The following TAF1 variants were observed in gnomAD, a reference collection of about 807,000 sequenced individuals.
The protein encoded by TAF1 is transcription initiation factor TFIID subunit 1.
TAF1 carries 2 observed loss-of-function variants against 138.5 expected under a neutral mutation model. That is an observed-to-expected ratio of 0.01 (90% confidence interval 0.01 to 0.05). The LOEUF (loss-of-function observed/expected upper bound fraction) is 0.05, where lower values mean the gene tolerates loss of function less well. Among genes scored for constraint, TAF1 ranks in the 10% least tolerant of loss-of-function variants. The pLI is 1.00. For missense variants in TAF1, 709 were observed against 1,478.0 expected, an observed-to-expected ratio of 0.48 and a Z score of 8.53; for synonymous variants, 437 against 503.2, an observed-to-expected ratio of 0.87 and a Z score of 1.76.
chrX:71,470,270 G>A (rs890756977), downstream of TAF1, among the ~76,000 whole-genome samples: 1 of 110,839 alleles, frequency 9.0e-6, no homozygotes, highest in Admixed American at 9.7e-5. Flanking sequence ...TGTGCACCAT[G>A]ACTGCTATCA....
chrX:71,374,079 TTTTC>T (rs780396910), intron 3 of TAF1, among the ~76,000 whole-genome samples: 6 of 111,188 alleles, frequency 5.4e-5, no homozygotes, highest in Non-Finnish European at 7.5e-5. Context: ...TGATTTTTTC[TTTTC>T]TTTCTTTCTT....
intron 13 of TAF1, among the ~76,000 whole-genome samples, chrX:71,486,051 C>A (rs1361825744): frequency 9.1e-6 from 1 of 109,766 alleles, no homozygotes; most frequent in Non-Finnish European, 1.9e-5. Context: ...TCTCTGCTCA[C>A]TGCACCCTCC....
At chrX:71,491,052 T>G (rs1381095839) in intron 13 of TAF1, 3 of 99,334 alleles carry the variant, frequency 3.0e-5, no homozygotes, top group African/African-American at 1.1e-4. Context: ...TGTTTTTTTT[T>G]TTTTTTTTTT....
intron 13 of TAF1, chrX:71,492,828 C>T (rs2039318968): frequency 8.9e-6 from 1 of 112,445 alleles, no homozygotes; most frequent in African/African-American, 3.2e-5. Context: ...ACCCTCCGGT[C>T]TGCAGAGGTG....
At chrX:71,441,626 A>C (rs759627677) in intron 32 of TAF1, 1 of 292,497 alleles carries the variant, frequency 3.4e-6, no homozygotes, top group South Asian at 3.1e-5. Flanking sequence ...AACTATAGTC[A>C]TTCTACGGCG....
intron 8 of TAF1, among the ~76,000 whole-genome samples, chrX:71,379,576 T>G (rs2033729081): frequency 9.4e-6 from 1 of 106,838 alleles, no homozygotes; most frequent in Non-Finnish European, 1.9e-5. Context: ...TCAGGTTTCT[T>G]AAAAACATGT....
At chrX:71,435,468 T>C (rs2037092938) in intron 32 of TAF1, among the ~76,000 whole-genome samples, 1 of 112,037 alleles carries the variant, frequency 8.9e-6, no homozygotes, top group African/African-American at 3.2e-5. Context: ...TCCAGCTGTC[T>C]TAACCTCCTC....
rs1482023698 is a variant in TAF1 at position 71,459,722 on chromosome X, A to G, written c.5221+14A>G. ...ATCCTTTCTCTGGTAGGCCTCAACC[A>G]TTGCTTCTATTCCTTTATAACTCAC... On this transcript the variant is annotated intron_variant, in intron 36 of 37. Transcript: ENST00000423759. 15 of 1,207,049 alleles carry G rather than the reference A, an allele frequency of 1.2e-5. No individual in the cohort carries two copies. Among genetic ancestry groups the G allele is most frequent in the Middle Eastern group, 4.6e-4 (2 of 4,359 alleles).
intron 13 of TAF1, among the ~76,000 whole-genome samples, chrX:71,493,922 A>C (rs943191749): frequency 4.5e-5 from 5 of 112,019 alleles, no homozygotes; most frequent in African/African-American, 1.6e-4. Context: ...TCAGTAAGCT[A>C]CAATTGTGCC....
At chrX:71,417,266 G>A (rs771574850) in intron 28 of TAF1, among the ~76,000 whole-genome samples, 1 of 110,356 alleles carries the variant, frequency 9.1e-6, no homozygotes, top group Non-Finnish European at 1.9e-5. Context: ...GAGCCACCTC[G>A]GGACTCTGCA....
At chrX:71,419,524 C>T in intron 28 of TAF1, among the ~76,000 whole-genome samples, 1 of 107,811 alleles carries the variant, frequency 9.3e-6, no homozygotes, top group Non-Finnish European at 1.9e-5. Flanking sequence ...GAAAGACACT[C>T]AAAACAGAAA....
chrX:71,464,252 C>G lies in TAF1; in HGVS notation c.*206C>G, dbSNP rs2038670901. The G allele has an allele frequency of 2.4e-6, 1 of 424,713 alleles. No homozygotes were observed. Among genetic ancestry groups the G allele is most frequent in the Non-Finnish European group, 4.0e-6 (1 of 248,363 alleles). 35.0% of individuals were successfully genotyped at this position (424,713 alleles called of 1,213,427 possible). ...GGCAATGTCACCCTTTGATTTAAAA[C>G]AAAGCAACCCCCTTTCCCCTACCAC... On this transcript the variant is annotated 3_prime_UTR_variant, in exon 38 of 38. Transcript: ENST00000423759.
At chrX:71,508,645 C>T (rs1341455333) in intron 13 of TAF1, among the ~76,000 whole-genome samples, 1 of 103,818 alleles carries the variant, frequency 9.6e-6, no homozygotes, top group African/African-American at 3.5e-5. Flanking sequence ...AGAAAGTAGC[C>T]AAGTGAAGAC....
At chrX:71,397,522 G>A (rs749656314) in intron 23 of TAF1, 56 bp downstream of exon 23, 43 of 1,177,033 alleles carry the variant, frequency 3.7e-5, no homozygotes, top group Middle Eastern at 4.7e-4. Flanking sequence ...CTTGCTCTGC[G>A]GCCCAGGTGG....
chrX:71,382,006 A>G, intron 9 of TAF1, 87 bp downstream of exon 9: 2 of 1,032,904 alleles, frequency 1.9e-6, no homozygotes, highest in Non-Finnish European at 2.5e-6. Flanking sequence ...GAAGGGTTGG[A>G]GATGATTAGG....
intron 28 of TAF1, among the ~76,000 whole-genome samples, chrX:71,409,560 G>A (rs944715959): frequency 1.8e-4 from 20 of 111,934 alleles, no homozygotes; most frequent in Admixed American, 4.8e-4. Flanking sequence ...CAGATAGAGT[G>A]TAAATCATGG....
chrX:71,400,845 G>C (rs1005793703), intron 24 of TAF1, among the ~76,000 whole-genome samples: 1 of 112,328 alleles, frequency 8.9e-6, no homozygotes, highest in African/African-American at 3.2e-5. Context: ...TGTGGCATTA[G>C]ATAAGTGTGA....
chrX:71,437,685 A>G (rs759428627), intron 32 of TAF1, among the ~76,000 whole-genome samples: 1 of 108,910 alleles, frequency 9.2e-6, no homozygotes, highest in East Asian at 2.9e-4. Flanking sequence ...ATATTTCCAT[A>G]TGAAAGTTAA....
intron 28 of TAF1, among the ~76,000 whole-genome samples, chrX:71,417,806 T>A (rs1429193747): frequency 8.9e-6 from 1 of 111,827 alleles, no homozygotes; most frequent in Non-Finnish European, 1.9e-5. Flanking sequence ...CATCTGTATC[T>A]CATATGCAGC....
Sources: gnomAD v4.1 joint callset for allele counts (sites outside exome capture counted in the v4.1 genomes callset) on GRCh38, gnomAD v4.1.1 for gene constraint, MANE v1.5 for transcripts, NCBI Gene and HGNC (gene_info 2026-07-23, HGNC 2026-07-21) for gene names.